TIAM2: variants seen among roughly 807,000 people sequenced by gnomAD.
TIAM2 encodes the protein rho guanine nucleotide exchange factor TIAM2.
A neutral mutation model predicts 152.9 loss-of-function variants in TIAM2; 80 were observed. That is an observed-to-expected ratio of 0.52 (90% CI 0.44 to 0.63). The LOEUF is 0.63. TIAM2 is among the 30% of genes least tolerant of loss of function. The probability of loss-of-function intolerance (pLI) is 0.00; values close to 1 mark genes in which losing one functional copy is unlikely to be tolerated. For synonymous variants in TIAM2, 804 were observed against 838.0 expected, an observed-to-expected ratio of 0.96 and a Z score of 0.70; for missense variants, 1,965 against 2,120.1, an observed-to-expected ratio of 0.93 and a Z score of 1.44.
intron 1 of TIAM2, among the ~76,000 whole-genome samples, chr6:154,998,269 C>T (rs1414766487): frequency 2.0e-5 from 3 of 152,076 alleles, no homozygotes; most frequent in African/African-American, 7.2e-5. Flanking sequence ...GAGCTTTGCT[C>T]GCATAAACAT....
chr6:155,248,355 C>T (rs1014259552), intron 20 of TIAM2, among the ~76,000 whole-genome samples, 176 bp downstream of exon 20: 3 of 152,240 alleles, frequency 2.0e-5, no homozygotes, highest in African/African-American at 2.4e-5. Context: ...ACTAGCTAGG[C>T]GTCTGGGCAC....
chr6:155,105,740 C>T (rs1774964844), intron 2 of TIAM2, among the ~76,000 whole-genome samples: 1 of 152,200 alleles, frequency 6.6e-6, no homozygotes. Context: ...CATGAGCCAC[C>T]GTGCCCAGCC....
chr6:155,019,874 A>G (rs9480010), intron 1 of TIAM2, among the ~76,000 whole-genome samples: 114,301 of 152,056 alleles, frequency 0.75, 43,160 homozygotes, highest in African/African-American at 0.81. Context: ...CCAACAAGGT[A>G]AAACCCCATC....
At chr6:155,238,866 A>G (rs768924255) in intron 15 of TIAM2, among the ~76,000 whole-genome samples, 4 of 152,190 alleles carry the variant, frequency 2.6e-5, no homozygotes, top group Non-Finnish European at 5.9e-5. Flanking sequence ...CCCTCAATTG[A>G]TGACCACTGA....
intron 9 of TIAM2, among the ~76,000 whole-genome samples, chr6:155,165,766 T>A (rs1780416209): frequency 6.6e-6 from 1 of 151,980 alleles, no homozygotes; most frequent in African/African-American, 2.4e-5. Context: ...CCAGCCTGAG[T>A]GACAGAGCGA....
chr6:155,077,826 C>A (rs1472010231), intron 1 of TIAM2, among the ~76,000 whole-genome samples: 1 of 152,178 alleles, frequency 6.6e-6, no homozygotes, highest in Non-Finnish European at 1.5e-5. Context: ...CCAAACCCTA[C>A]CAAGTGGCAG....
rs778940935 is a variant in TIAM2, at chr6:155,254,421, A to G, written c.4316A>G (p.Asp1439Gly). 2 of 1,611,078 alleles carry G rather than the reference A, an allele frequency of 1.2e-6. No homozygotes were observed. Among genetic ancestry groups the G allele is most frequent in the Non-Finnish European group, 8.5e-7 (1 of 1,177,360 alleles). ...PETIFQLCCSDSESKTNIVKV... is the reference protein window; with the variant it reads ...PETIFQLCCSGSESKTNIVKV... ...GTTTTCTCTCCCCCCCCACCCAGTG[A>G]CAGTGAAAGCAAAACCAACATTGTT... is the stretch of plus-strand genomic sequence containing the variant. Residue 1439 changes from aspartate to glycine, a missense_variant and splice_region_variant, in exon 26 of 27, where the codon GAC (aspartate) becomes GGC (glycine). Transcript: ENST00000682666.
chr6:155,079,424 C>T (rs1778017289), intron 1 of TIAM2, among the ~76,000 whole-genome samples: 1 of 152,098 alleles, frequency 6.6e-6, no homozygotes, highest in South Asian at 2.1e-4. Context: ...TGTCTTTTTT[C>T]CCCTTTGGCT....
Position 155,004,986 on chromosome 6 carries a change from T to G in TIAM2, c.-209+9494T>G, listed in dbSNP as rs1457416623. 1.4e-5 allele frequency: 6 copies of G among 418,540 alleles called. No homozygotes were observed. In the Admixed American group the frequency reaches 2.0e-4, roughly 14 times the overall value. The allele number at this position is 418,540 out of a possible 1,614,324, so 25.9% of individuals were successfully genotyped here. ...CTTCCCAGGCAGGCCTTCACTTACC[T>G]TAAGCCATTTGCCCCATGTGAAGAG... On this transcript the variant is annotated intron_variant, in intron 1 of 26. Coordinates refer to ENST00000682666, the MANE Select transcript of TIAM2 (RefSeq NM_012454.4).
intron 2 of TIAM2, among the ~76,000 whole-genome samples, chr6:155,119,979 T>G (rs1779113973): frequency 6.6e-6 from 1 of 152,224 alleles, no homozygotes; most frequent in Admixed American, 6.5e-5. Context: ...CGAATGGATT[T>G]CATAACCCAA....
At chr6:155,172,706 T>TC (rs1780658104) in intron 9 of TIAM2, among the ~76,000 whole-genome samples, 1 of 109,502 alleles carries the variant, frequency 9.1e-6, no homozygotes, top group Non-Finnish European at 1.8e-5. Flanking sequence ...TTTTTTTTTT[T>TC]TTTTTTCTTT....
At chr6:155,201,760 A>G (rs1398750598) in intron 14 of TIAM2, among the ~76,000 whole-genome samples, 1 of 152,216 alleles carries the variant, frequency 6.6e-6, no homozygotes, top group Non-Finnish European at 1.5e-5. Context: ...CTCTAAGGAC[A>G]TTTATCACAA....
At chr6:155,126,357 G>T (rs1403117508) in intron 2 of TIAM2, among the ~76,000 whole-genome samples, 1 of 152,208 alleles carries the variant, frequency 6.6e-6, no homozygotes, top group Non-Finnish European at 1.5e-5. Context: ...TTTCTGTTCT[G>T]CAAGATGGAA....
rs1780769333 is a variant in TIAM2 at position 155,176,801 on chromosome 6, G to C, written c.2362-15G>C. ...ATCAAATTTGTCTGCATTTTCTTTT[G>C]GCATCTACAAACAGGTCGATGAACT... On this transcript the variant is annotated splice_polypyrimidine_tract_variant and intron_variant, in intron 9 of 26. Transcript: ENST00000682666. The C allele has an allele frequency of 1.2e-6, 2 of 1,602,344 alleles. No individual in the cohort carries two copies. The highest frequency in any genetic ancestry group is 1.7e-6 in the Non-Finnish European group (2 of 1,176,036).
At chr6:155,075,661 A>G (rs1426695113) in intron 1 of TIAM2, among the ~76,000 whole-genome samples, 2 of 152,164 alleles carry the variant, frequency 1.3e-5, no homozygotes, top group Admixed American at 1.3e-4. Context: ...TAGCCTGGGG[A>G]TGTTTCCCAA....
At chr6:155,029,217 C>T (rs958542720) in intron 1 of TIAM2, among the ~76,000 whole-genome samples, 1 of 105,574 alleles carries the variant, frequency 9.5e-6, no homozygotes, top group Non-Finnish European at 1.9e-5. Context: ...GTGTTATATA[C>T]ACTATATGTA....
chr6:155,150,329 G>C (rs1779924110), intron 7 of TIAM2, among the ~76,000 whole-genome samples: 1 of 152,220 alleles, frequency 6.6e-6, no homozygotes, highest in South Asian at 2.1e-4. Flanking sequence ...TCGAAGTTAG[G>C]TGACAGCTGG....
At chr6:155,207,311 C>T (rs1781620173) in intron 14 of TIAM2, among the ~76,000 whole-genome samples, 1 of 152,222 alleles carries the variant, frequency 6.6e-6, no homozygotes, top group Non-Finnish European at 1.5e-5. Flanking sequence ...AGGGCACCCT[C>T]CTTTTACGGG....
intron 7 of TIAM2, 23 bp from the exon 8 acceptor site, chr6:155,164,392 A>G (rs1780362878): frequency 1.3e-6 from 2 of 1,546,856 alleles, no homozygotes; most frequent in South Asian, 1.2e-5. Context: ...TTTTATTTAA[A>G]TCACCTCTGT....
Sources: allele counts gnomAD v4.1 joint callset (sites outside exome capture counted in the v4.1 genomes callset), GRCh38; gene constraint gnomAD v4.1.1; transcripts MANE v1.5; gene names NCBI Gene and HGNC (gene_info 2026-07-23, HGNC 2026-07-21).